The following ITIH5 variants were observed in gnomAD, a reference collection of about 807,000 sequenced individuals.
The protein encoded by ITIH5 is inter-alpha-trypsin inhibitor heavy chain 5, also known as inter-alpha-trypsin inhibitor heavy chain H5.
ITIH5 carries 65 observed loss-of-function variants against 77.5 expected under a neutral mutation model. The ratio of observed to expected loss-of-function variants is 0.84; its 90% CI spans 0.69 to 1.03. The LOEUF is 1.03. Ranked by LOEUF, ITIH5 falls within the 50% of genes least tolerant of loss-of-function variation. The probability of loss-of-function intolerance (pLI) is 0.00; values close to 1 mark genes in which losing one functional copy is unlikely to be tolerated. For synonymous variants in ITIH5, 525 were observed against 494.3 expected, an observed-to-expected ratio of 1.06 and a Z score of -0.82; for missense variants, 1,208 against 1,213.1, an observed-to-expected ratio of 1.00 and a Z score of 0.06.
At chr10:7,604,819 A>C (rs545275099) in intron 7 of ITIH5, among the ~76,000 whole-genome samples, 1 of 84,554 alleles carries the variant, frequency 1.2e-5, no homozygotes, top group Admixed American at 1.6e-4. Flanking sequence ...GAATAATGTA[A>C]GATTGTTTCA....
At chr10:7,572,171 T>A in intron 11 of ITIH5, 1 of 1,189,220 alleles carries the variant, frequency 8.4e-7, no homozygotes. Context: ...GCGGACTCTA[T>A]ATCCACAGCT....
chr10:7,660,305 T>G (rs1333475259), intron 1 of ITIH5, among the ~76,000 whole-genome samples: 1 of 152,222 alleles, frequency 6.6e-6, no homozygotes, highest in African/African-American at 2.4e-5. Flanking sequence ...AAGACAGGGC[T>G]GCAGCTTAGC....
intron 5 of ITIH5, chr10:7,617,523 G>A: frequency 3.1e-6 from 1 of 322,184 alleles, no homozygotes; most frequent in East Asian, 5.4e-5. Context: ...AAAGTAGAGA[G>A]AATAGTAAAA....
intron 5 of ITIH5, among the ~76,000 whole-genome samples, chr10:7,634,999 A>G (rs1442474605): frequency 6.6e-6 from 1 of 152,048 alleles, no homozygotes; most frequent in East Asian, 1.9e-4. Context: ...AGTTCTTACT[A>G]TGTTGTCCAG....
At chr10:7,649,708 T>C (rs1834066736) in intron 2 of ITIH5, among the ~76,000 whole-genome samples, 1 of 152,038 alleles carries the variant, frequency 6.6e-6, no homozygotes, top group African/African-American at 2.4e-5. Flanking sequence ...GACATGGAAA[T>C]GGAAATGAAT....
chr10:7,587,981 C>T (rs1832716925), intron 7 of ITIH5, among the ~76,000 whole-genome samples: 1 of 152,236 alleles, frequency 6.6e-6, no homozygotes, highest in African/African-American at 2.4e-5. Flanking sequence ...CCTCAGCCGC[C>T]TTTCAATCCT....
rs1832061147 is a variant in ITIH5, at chr10:7,562,742, T to G, written c.*341A>C. ...GCAACCTTCCTTCACCAGAAAGGCT[T>G]ACTTTATGATATGCTAACAGAACAG... On this transcript the variant is annotated 3_prime_UTR_variant, in exon 14 of 14. Coordinates refer to ENST00000397146, the MANE Select transcript of ITIH5 (RefSeq NM_030569.7). The G allele has an allele frequency of 4.2e-6, 1 of 237,336 alleles. No homozygotes were observed. The highest frequency in any genetic ancestry group is 9.0e-5 in the East Asian group (1 of 11,128). The allele number at this position is 237,336 out of a possible 1,614,324, so 14.7% of individuals were successfully genotyped here. A position where few individuals can be genotyped will look rare whatever the true frequency, so the allele number is the denominator to read the frequency against.
At chr10:7,597,933 G>A (rs188893283) in intron 7 of ITIH5, among the ~76,000 whole-genome samples, 1 of 151,704 alleles carries the variant, frequency 6.6e-6, no homozygotes, top group Admixed American at 6.6e-5. Flanking sequence ...CCAGTCTTAG[G>A]AGTAAGGCAA....
At chr10:7,565,083 T>TATATAC (rs761964045) in intron 13 of ITIH5, among the ~76,000 whole-genome samples, 40 of 136,172 alleles carry the variant, frequency 2.9e-4, no homozygotes, top group South Asian at 1.9e-3. Context: ...TATATATATA[T>TATATAC]ACACACACAC....
In ITIH5 at chr10:7,586,034, G is replaced by A. The variant is rs1832671332; in HGVS notation, c.975C>T (p.Leu325=). Residue 325 remains leucine, a synonymous_variant, in exon 8 of 14, where the codon CTC becomes CTT. Coordinates refer to ENST00000397146, the MANE Select transcript of ITIH5 (RefSeq NM_030569.7). The part of the protein sequence containing the change: ...KDALFTILHD[L]RPQDRFSIIG... The stretch of plus-strand genomic sequence containing the variant: ...TGATACTGAAACGGTCCTGGGGTCG[G>A]AGGTCATGGAGAATTGTGAAGAGGG... 1 of 1,613,890 alleles carries A rather than the reference G, an allele frequency of 6.2e-7. No homozygotes were observed. Among genetic ancestry groups the A allele is most frequent in the South Asian group, 1.1e-5 (1 of 91,024 alleles).
intron 5 of ITIH5, among the ~76,000 whole-genome samples, chr10:7,629,177 CTG>C (rs1833657600): frequency 1.5e-5 from 2 of 134,248 alleles, no homozygotes; most frequent in African/African-American, 2.6e-5. Context: ...TCATATGTAT[CTG>C]TGTTTTCACA....
rs192851628 is a variant in ITIH5 at position 7,615,860 on chromosome 10, T to A, written c.939+122A>T. 13 of 685,534 alleles carry A rather than the reference T, an allele frequency of 1.9e-5. No individual in the cohort carries two copies. The Admixed American group carries it at 2.7e-4, about 14-fold the overall frequency. The allele number at this position is 685,534 out of a possible 1,614,324, so 42.5% of individuals were successfully genotyped here. A position where few individuals can be genotyped will look rare whatever the true frequency, so the allele number is the denominator to read the frequency against. Reference sequence around the variant, plus strand: ...TGAATCCGCTCAAGAAGGCTTTCCATAGGCAGGAATCGCTGGATGGTAAAG... The same window carrying A: ...TGAATCCGCTCAAGAAGGCTTTCCAAAGGCAGGAATCGCTGGATGGTAAAG... On this transcript the variant is annotated intron_variant, in intron 7 of 13. Transcript: ENST00000397146.
Position 7,563,191 on chromosome 10 carries a change from G to A in ITIH5, c.2721C>T (p.Ala907=), listed in dbSNP as rs1364125136. Residue 907 remains alanine, a synonymous_variant, in exon 14 of 14, where the codon GCC becomes GCT. Transcript: ENST00000397146. ...CAATCAGTTTGGCGGCATTGTTCCT[G>A]GCAAACCAGCAGTCTATCTGCTCTT... The part of the protein sequence containing the change: ...NGEEQIDCWF[A]RNNAAKLIDG... The A allele has an allele frequency of 6.2e-7, 1 of 1,614,200 alleles. No individual in the cohort carries two copies. Among genetic ancestry groups the A allele is most frequent in the Non-Finnish European group, 8.5e-7 (1 of 1,180,036 alleles).
intron 1 of ITIH5, among the ~76,000 whole-genome samples, chr10:7,664,157 T>C (rs1199186074): frequency 2.6e-5 from 4 of 152,182 alleles, no homozygotes; most frequent in Admixed American, 6.5e-5. Context: ...CCCAGCACTT[T>C]GGGAGGCCAG....
rs1233009889 is a variant in ITIH5 at position 7,560,799 on chromosome 10, G to A, written c.*2284C>T. On this transcript the variant is annotated 3_prime_UTR_variant, in exon 14 of 14. Transcript: ENST00000397146. ...TTATAAATGCTCAAGGAAAATAAAT[G>A]ATTGCCCAGATGGTGAAACAGGGTC... 6.6e-6 allele frequency: 1 copy of A among 152,160 alleles called. No homozygotes were observed. Among genetic ancestry groups the A allele is most frequent in the Non-Finnish European group, 1.5e-5 (1 of 68,028 alleles). 9.4% of individuals were successfully genotyped at this position (152,160 alleles called of 1,614,324 possible).
chr10:7,624,138 A>G (rs2131047874), intron 5 of ITIH5, among the ~76,000 whole-genome samples: 1 of 152,300 alleles, frequency 6.6e-6, no homozygotes, highest in Middle Eastern at 3.4e-3. Flanking sequence ...AAAATTTCCC[A>G]AGAGAGACTA....
intron 10 of ITIH5, among the ~76,000 whole-genome samples, chr10:7,575,513 GA>G (rs1832392650): frequency 6.6e-6 from 1 of 152,144 alleles, no homozygotes; most frequent in Admixed American, 6.5e-5. Flanking sequence ...TGTGAAACGC[GA>G]TTTTCCACAC....
chr10:7,659,312 G>A (rs968510127), intron 1 of ITIH5, among the ~76,000 whole-genome samples: 165 of 152,134 alleles, frequency 1.1e-3, no homozygotes, highest in African/African-American at 3.7e-3. Context: ...CCGGGAGGTG[G>A]AGGTTGCAGT....
rs79030403 is a variant in ITIH5, at chr10:7,630,832, T to C, written c.652+6396A>G. Among the ~76,000 whole-genome samples, 385 of 152,244 alleles carry C rather than the reference T, an allele frequency of 2.5e-3. 3 individuals carry two copies. The highest frequency in any genetic ancestry group is 0.012 in the East Asian group (60 of 5,192). ...TACTCTATCTCTTTCTTTCGTGTTC[T>C]TAACGGCCAAACACTTCTCGGTGAT... On this transcript the variant is annotated intron_variant, in intron 5 of 13. Coordinates refer to ENST00000397146, the MANE Select transcript of ITIH5 (RefSeq NM_030569.7).
Sources: allele counts gnomAD v4.1 joint callset (sites outside exome capture counted in the v4.1 genomes callset), GRCh38; gene constraint gnomAD v4.1.1; transcripts MANE v1.5; gene names NCBI Gene and HGNC (gene_info 2026-07-23, HGNC 2026-07-21).